The following NAV3 variants were observed in gnomAD, a reference collection of about 807,000 sequenced individuals.
The protein encoded by NAV3 is pore membrane and/or filament interacting like protein 1.
Under a neutral mutation model 244.7 loss-of-function variants are expected in NAV3, and 87 were observed. That is an observed-to-expected ratio of 0.36 (90% CI 0.30 to 0.42). The LOEUF (loss-of-function observed/expected upper bound fraction) is 0.42, where lower values mean the gene tolerates loss of function less well. NAV3 is among the 20% of genes least tolerant of loss of function. NAV3 has a pLI of 1.00. For synonymous variants in NAV3, 1,126 were observed against 1,042.2 expected (o/e 1.08, Z -1.55); for missense variants, 2,663 against 2,893.3 (o/e 0.92, Z 1.83).
intron 9 of NAV3, chr12:78,037,130 C>T (rs1255454294): frequency 5.7e-6 from 4 of 703,030 alleles, no homozygotes; most frequent in Non-Finnish European, 1.0e-5. Flanking sequence ...CCTGGAACCT[C>T]CTGCCTGCTG....
intron 3 of NAV3, among the ~76,000 whole-genome samples, chr12:77,950,151 A>G (rs1890737768): frequency 6.6e-6 from 1 of 152,112 alleles, no homozygotes; most frequent in Non-Finnish European, 1.5e-5. Context: ...TGTGAACTTA[A>G]GTTTTCAACT....
At chr12:78,201,013 TC>T (rs1959617463) in intron 38 of NAV3, among the ~76,000 whole-genome samples, 1 of 126,556 alleles carries the variant, frequency 7.9e-6, no homozygotes, top group Non-Finnish European at 1.7e-5. Context: ...TCCCTCCCTC[TC>T]CCCCTCCCCA....
rs148329922 is a variant in NAV3, at chr12:78,022,572, G to C, written c.2023+710G>C. ...AGTATAATAATGCATGAAAGTAGGG[G>C]TGTGTCTGTTGTTCCAGGAAATCTC... is the stretch of plus-strand genomic sequence containing the variant. On this transcript the variant is annotated intron_variant, in intron 9 of 39. Transcript: ENST00000397909. 7.2e-4 allele frequency among the ~76,000 whole-genome samples: 110 copies of C among 152,238 alleles called. 1 individual carries two copies. Among genetic ancestry groups the C allele is most frequent in the African/African-American group, 2.6e-3 (108 of 41,548 alleles).
intron 2 of NAV3, among the ~76,000 whole-genome samples, chr12:77,590,355 A>T: frequency 6.6e-6 from 1 of 152,214 alleles, no homozygotes. Flanking sequence ...AGAAGGAATG[A>T]AGTTAAGATC....
At chr12:77,601,781 A>G (rs1366998521) in intron 2 of NAV3, among the ~76,000 whole-genome samples, 1 of 152,016 alleles carries the variant, frequency 6.6e-6, no homozygotes, top group African/African-American at 2.4e-5. Flanking sequence ...TATGAGACAT[A>G]GAAAATTCTA....
intron 1 of NAV3, among the ~76,000 whole-genome samples, chr12:77,939,143 A>C (rs916881219): frequency 6.6e-5 from 10 of 152,138 alleles, no homozygotes; most frequent in Non-Finnish European, 1.5e-4. Context: ...AAATGTTTAA[A>C]AAGTTTTTAA....
intron 1 of NAV3, among the ~76,000 whole-genome samples, chr12:77,892,269 T>C (rs1368462953): frequency 6.6e-6 from 1 of 152,194 alleles, no homozygotes; most frequent in Non-Finnish European, 1.5e-5. Flanking sequence ...GTTGTAATCA[T>C]TGAGTAGAAA....
chr12:77,655,265 G>A (rs1472417668), intron 2 of NAV3, among the ~76,000 whole-genome samples: 1 of 152,162 alleles, frequency 6.6e-6, no homozygotes, highest in African/African-American at 2.4e-5. Context: ...GCTTAAAGGA[G>A]CTGATGGAGC....
chr12:77,919,914 G>A (rs1024827008), intron 1 of NAV3, among the ~76,000 whole-genome samples: 20 of 152,074 alleles, frequency 1.3e-4, no homozygotes, highest in Admixed American at 1.3e-3. Context: ...ATTGGAATTT[G>A]AAGTGAACAG....
At position 78,118,194 on chromosome 12, in the gene NAV3, T is replaced by G; in HGVS notation, c.2937T>G (p.Ala979=). The G allele has an allele frequency of 1.2e-6, 2 of 1,613,930 alleles. No homozygotes were observed. The highest frequency in any genetic ancestry group is 1.7e-6 in the Non-Finnish European group (2 of 1,179,982). Residue 979 remains alanine (A), a synonymous_variant, in exon 14 of 40, where the codon GCT becomes GCG. Coordinates refer to ENST00000397909, the MANE Select transcript of NAV3 (RefSeq NM_001024383.2). ...PEDPEKAGQK[A]SLSVSQTGSW... is the part of the protein sequence containing the mutation. ...ACCCCGAGAAGGCAGGGCAGAAAGC[T>G]TCCCTGTCTGTTTCACAGACAGGTT...
At chr12:77,810,180 G>A (rs1872212453) in intron 2 of NAV3, among the ~76,000 whole-genome samples, 1 of 152,076 alleles carries the variant, frequency 6.6e-6, no homozygotes, top group Non-Finnish European at 1.5e-5. Context: ...TTGTGTGTTT[G>A]TTTGTTTTTG....
In NAV3 at chr12:77,915,404, C is replaced by T. The variant is rs535836512; in HGVS notation, c.244-24915C>T. Among the ~76,000 whole-genome samples, 31 of 151,998 alleles carry T rather than the reference C, an allele frequency of 2.0e-4. No homozygotes were observed. The South Asian group carries it at 6.2e-3, about 31-fold the overall frequency. Reference sequence around the variant, plus strand: ...GTTTAGGGTTTCTCTGAAATTTCTTCTTGTATAGCCCTCCAGAGATCTGTC... The same window carrying T: ...GTTTAGGGTTTCTCTGAAATTTCTTTTTGTATAGCCCTCCAGAGATCTGTC... On this transcript the variant is annotated intron_variant, in intron 1 of 39. Transcript: ENST00000397909.
At chr12:78,163,117 T>C (rs1957635277) in intron 23 of NAV3, among the ~76,000 whole-genome samples, 1 of 151,380 alleles carries the variant, frequency 6.6e-6, no homozygotes, top group Admixed American at 6.6e-5. Flanking sequence ...TTACATACTT[T>C]AAAAATGGAT....
chr12:77,701,638 C>T (rs889361906), intron 2 of NAV3, among the ~76,000 whole-genome samples: 6 of 151,870 alleles, frequency 4.0e-5, no homozygotes, highest in African/African-American at 1.2e-4. Flanking sequence ...TTTCCATAAA[C>T]GCTATTTGAA....
At chr12:78,021,109 A>C (rs1877079450) in intron 8 of NAV3, among the ~76,000 whole-genome samples, 1 of 152,164 alleles carries the variant, frequency 6.6e-6, no homozygotes, top group Non-Finnish European at 1.5e-5. Flanking sequence ...ACCTTTGTTG[A>C]GTGCTTTTCT....
rs536174091 is a variant in NAV3 at position 78,100,058 on chromosome 12, T to C, written c.2637-16714T>C. 1.3e-5 allele frequency among the ~76,000 whole-genome samples: 2 copies of C among 152,046 alleles called. 1 individual carries two copies. The highest frequency in any genetic ancestry group is 4.8e-5 in the African/African-American group (2 of 41,570). On this transcript the variant is annotated intron_variant, in intron 12 of 39. Transcript: ENST00000397909. ...AAATAAAAAGGTCAGTGTATAAAGTTTATTGGTTGTTCTCTTTACTCAAAA... is the reference window on the plus strand; with the variant it reads ...AAATAAAAAGGTCAGTGTATAAAGTCTATTGGTTGTTCTCTTTACTCAAAA...
chr12:77,960,942 A>G (rs1178519820), intron 3 of NAV3, among the ~76,000 whole-genome samples: 1 of 146,606 alleles, frequency 6.8e-6, no homozygotes, highest in Non-Finnish European at 1.5e-5. Flanking sequence ...ATGTGTATAC[A>G]TGCCTATGTC....
chr12:77,641,379 C>T (rs931103499), intron 2 of NAV3, among the ~76,000 whole-genome samples: 2 of 152,020 alleles, frequency 1.3e-5, no homozygotes, highest in African/African-American at 4.8e-5. Context: ...CATTAATTTA[C>T]AAGGCTACTG....
In NAV3 at chr12:78,148,477, T is replaced by C. The variant is rs1050444750; in HGVS notation, c.4708-365T>C. Among the ~76,000 whole-genome samples, 50 of 152,240 alleles carry C rather than the reference T, an allele frequency of 3.3e-4. No individual in the cohort carries two copies. In the Middle Eastern group the frequency reaches 0.01, roughly 31 times the overall value. On this transcript the variant is annotated intron_variant, in intron 21 of 39. Transcript: ENST00000397909. The stretch of plus-strand genomic sequence containing the variant: ...TAAAAAAGAACAAGAAAAATATGTG[T>C]GTATATACAGTTTTTATAAAGAAAA...
Sources: gnomAD v4.1 joint callset for allele counts (sites outside exome capture counted in the v4.1 genomes callset) on GRCh38, gnomAD v4.1.1 for gene constraint, MANE v1.5 for transcripts, NCBI Gene and HGNC (gene_info 2026-07-23, HGNC 2026-07-21) for gene names.